ANK3: variants seen among roughly 807,000 people sequenced by gnomAD.
The protein encoded by ANK3 is ankyrin 3, also known as ankyrin-3.
Under a neutral mutation model 370.9 loss-of-function variants are expected in ANK3, and 57 were observed. That is an observed-to-expected ratio of 0.15 (90% CI 0.12 to 0.19). The LOEUF is 0.19. Ranked by LOEUF, ANK3 falls within the 10% of genes least tolerant of loss-of-function variation. ANK3 has a pLI of 1.00. For missense variants in ANK3, 4,439 were observed against 5,302.1 expected (o/e 0.84, Z 5.06); for synonymous variants, 1,929 against 1,946.3 (o/e 0.99, Z 0.23).
chr10:60,316,726 A>T (rs1462070203), intron 1 of ANK3, among the ~76,000 whole-genome samples: 1 of 151,930 alleles, frequency 6.6e-6, no homozygotes, highest in Non-Finnish European at 1.5e-5. Context: ...AACCATCCAT[A>T]TTCCATATGT....
chr10:60,052,991 T>A (rs2131902139), intron 42 of ANK3, among the ~76,000 whole-genome samples: 1 of 152,348 alleles, frequency 6.6e-6, no homozygotes, highest in Non-Finnish European at 1.5e-5. Context: ...CAGCCTTGAC[T>A]TTACAGGAAA....
intron 2 of ANK3, among the ~76,000 whole-genome samples, chr10:60,456,589 T>C (rs920616778): frequency 6.6e-6 from 1 of 152,144 alleles, no homozygotes. Context: ...ATTTTGATGA[T>C]GTCTTCTAAC....
chr10:60,369,882 T>C (rs2059878033), intron 1 of ANK3, among the ~76,000 whole-genome samples: 1 of 152,070 alleles, frequency 6.6e-6, no homozygotes, highest in South Asian at 2.1e-4. Context: ...TACAGAGAGA[T>C]TTACAAACAC....
At chr10:60,094,389 T>C (rs2089586365) in intron 28 of ANK3, among the ~76,000 whole-genome samples, 1 of 152,000 alleles carries the variant, frequency 6.6e-6, no homozygotes, top group African/African-American at 2.4e-5. Flanking sequence ...GGTTTCACAA[T>C]GTTGGCCAAG....
chr10:60,102,012 G>C (rs2091343678), intron 28 of ANK3, among the ~76,000 whole-genome samples: 2 of 151,886 alleles, frequency 1.3e-5, no homozygotes, highest in African/African-American at 4.8e-5. Flanking sequence ...AGGTTTGGAA[G>C]ACTAAATCTA....
At chr10:60,467,928 A>C (rs1056301860) in intron 2 of ANK3, among the ~76,000 whole-genome samples, 1 of 152,150 alleles carries the variant, frequency 6.6e-6, no homozygotes, top group African/African-American at 2.4e-5. Flanking sequence ...ATGTGAAATT[A>C]CTGAGACAAA....
intron 1 of ANK3, among the ~76,000 whole-genome samples, chr10:60,656,569 T>G (rs971153600): frequency 2.0e-5 from 3 of 152,176 alleles, no homozygotes; most frequent in Non-Finnish European, 4.4e-5. Flanking sequence ...TTGTTTTTCC[T>G]TTTCTAGTTT....
chr10:60,162,432 T>C (rs1201127590), intron 23 of ANK3, among the ~76,000 whole-genome samples: 1 of 152,184 alleles, frequency 6.6e-6, no homozygotes. Flanking sequence ...ATCAGTGTAA[T>C]GGCAGGAATA....
At chr10:60,253,928 T>C (rs1321924104) in intron 7 of ANK3, among the ~76,000 whole-genome samples, 1 of 152,210 alleles carries the variant, frequency 6.6e-6, no homozygotes, top group African/African-American at 2.4e-5. Context: ...AAGTGGTTTT[T>C]ATTTTCTCAC....
At chr10:60,543,158 A>C (rs1407931937) in intron 2 of ANK3, among the ~76,000 whole-genome samples, 1 of 152,000 alleles carries the variant, frequency 6.6e-6, no homozygotes, top group Non-Finnish European at 1.5e-5. Context: ...AGTCTGACAA[A>C]TATATGTGAA....
rs1430963094 is a variant in ANK3, at chr10:60,072,552, T to A, written c.8329A>T (p.Ser2777Cys). Residue 2777 changes from serine (S) to cysteine (C), a missense_variant, in exon 37 of 44, where the codon AGT becomes TGT. Around this residue, in one of 13 missense-constraint regions of ANK3, gnomAD observed 1,601 missense variants for 1,731.7 expected, o/e 0.92. Coordinates refer to ENST00000280772, the MANE Select transcript of ANK3 (RefSeq NM_020987.5). ...QQKAIDLPDE[S>C]VSVQKDFMVL... The stretch of plus-strand genomic sequence containing the variant: ...ATAAAATCTTTTTGCACAGATACAC[T>A]TTCATCTGGGAGGTCTATGGCCTTC... 1.9e-6 allele frequency: 3 copies of A among 1,613,516 alleles called. No individual in the cohort carries two copies. The African/African-American group carries it at 4.0e-5, about 22-fold the overall frequency.
intron 2 of ANK3, among the ~76,000 whole-genome samples, chr10:60,558,537 C>T (rs2077261569): frequency 6.6e-6 from 1 of 152,174 alleles, no homozygotes; most frequent in Non-Finnish European, 1.5e-5. Context: ...GCATAGTTCT[C>T]TCTTATATAC....
At chr10:60,706,402 T>G (rs185431837) in intron 1 of ANK3, among the ~76,000 whole-genome samples, 30 of 152,064 alleles carry the variant, frequency 2.0e-4, no homozygotes, top group Admixed American at 1.4e-3. Flanking sequence ...AGCCCCAAGA[T>G]AACCTCCCCT....
At position 60,225,507 on chromosome 10, in the gene ANK3, G is replaced by T. The variant is rs10994263; in HGVS notation, c.897+9181C>A. Among the ~76,000 whole-genome samples the T allele has an allele frequency of 9.4e-3, 1,433 of 152,190 alleles. 25 individuals carry two copies. The highest frequency in any genetic ancestry group is 0.033 in the African/African-American group (1,362 of 41,510). On this transcript the variant is annotated intron_variant, in intron 8 of 43. Transcript: ENST00000280772. ...TAGATAGAATTAGAATTTACATTCA[G>T]GATTGCCTCCCTTGGAAGGACTGGG...
At chr10:60,305,263 G>T (rs1419389448) in intron 1 of ANK3, among the ~76,000 whole-genome samples, 1 of 151,928 alleles carries the variant, frequency 6.6e-6, no homozygotes, top group Non-Finnish European at 1.5e-5. Flanking sequence ...TCTGTGTGGA[G>T]CACCTTTGCT....
At chr10:60,545,987 C>A in intron 2 of ANK3, among the ~76,000 whole-genome samples, 1 of 152,178 alleles carries the variant, frequency 6.6e-6, no homozygotes, top group East Asian at 1.9e-4. Flanking sequence ...AAGCAAGACT[C>A]CTCTGCAGAA....
At chr10:60,714,152 C>T (rs2079749902) in intron 1 of ANK3, among the ~76,000 whole-genome samples, 1 of 152,098 alleles carries the variant, frequency 6.6e-6, no homozygotes, top group South Asian at 2.1e-4. Flanking sequence ...TGAAGTGAAT[C>T]ACTTCCTAGA....
chr10:60,102,255 T>C (rs1477206586), intron 28 of ANK3, among the ~76,000 whole-genome samples: 1 of 151,168 alleles, frequency 6.6e-6, no homozygotes, highest in East Asian at 1.9e-4. Context: ...GCTTGACAAG[T>C]GAAAAGGGCA....
intron 18 of ANK3, among the ~76,000 whole-genome samples, chr10:60,177,495 T>C (rs954044047): frequency 6.6e-6 from 1 of 152,138 alleles, no homozygotes; most frequent in Non-Finnish European, 1.5e-5. Flanking sequence ...TCTCATTGAA[T>C]GGTACTTGTG....
Sources: allele counts gnomAD v4.1 joint callset (sites outside exome capture counted in the v4.1 genomes callset), GRCh38; gene constraint gnomAD v4.1.1; regional missense constraint gnomAD v4.1.1; transcripts MANE v1.5; gene names NCBI Gene and HGNC (gene_info 2026-07-23, HGNC 2026-07-21).